The following POU2AF2 variants were observed in gnomAD, a reference collection of about 807,000 sequenced individuals.
The protein encoded by POU2AF2 is POU class 2 homeobox associating factor 2.
the POU2AF2 span, among the ~76,000 whole-genome samples, chr11:111,248,291 G>T: frequency 1.3e-5 from 2 of 152,240 alleles, no homozygotes; most frequent in East Asian, 3.9e-4. Context: ...ACAGGAGTCT[G>T]ATTCTCAGTA....
At chr11:111,272,609 T>A in the POU2AF2 span, among the ~76,000 whole-genome samples, 1 of 152,214 alleles carries the variant, frequency 6.6e-6, no homozygotes, top group South Asian at 2.1e-4. Context: ...AATGCTAGTC[T>A]TCTCAACCAC....
At chr11:111,256,839 C>T in the POU2AF2 span, among the ~76,000 whole-genome samples, 1 of 152,174 alleles carries the variant, frequency 6.6e-6, no homozygotes, top group African/African-American at 2.4e-5. Flanking sequence ...CCTTCATCCA[C>T]GTAATTGTTA....
the POU2AF2 span, among the ~76,000 whole-genome samples, chr11:111,261,593 G>T: frequency 6.6e-6 from 1 of 150,410 alleles, no homozygotes; most frequent in African/African-American, 2.4e-5. Flanking sequence ...AAAACTTGCT[G>T]TGTAGGAAAA....
At chr11:111,264,521 AAAG>A in the POU2AF2 span, among the ~76,000 whole-genome samples, 2 of 67,914 alleles carry the variant, frequency 2.9e-5, no homozygotes, top group African/African-American at 1.2e-4. Context: ...AGAAAGAAAG[AAAG>A]AAAGAAAGAA....
At chr11:111,269,629 C>A in the POU2AF2 span, among the ~76,000 whole-genome samples, 1 of 152,090 alleles carries the variant, frequency 6.6e-6, no homozygotes, top group African/African-American at 2.4e-5. Context: ...GTCCATCTGG[C>A]AGGGATGTAG....
chr11:111,277,991 GA>G, the POU2AF2 span, among the ~76,000 whole-genome samples: 1 of 152,174 alleles, frequency 6.6e-6, no homozygotes, highest in Non-Finnish European at 1.5e-5. Context: ...CCTTCTCATA[GA>G]AATATTAAGG....
At chr11:111,264,860 GAGAC>G in the POU2AF2 span, among the ~76,000 whole-genome samples, 1 of 130,300 alleles carries the variant, frequency 7.7e-6, no homozygotes, top group East Asian at 2.4e-4. Context: ...GAAAAGAAAA[GAGAC>G]AGAAGGAAGG....
the POU2AF2 span, among the ~76,000 whole-genome samples, chr11:111,263,427 CTTTTTTTTTTTTT>C: frequency 1.0e-5 from 1 of 96,146 alleles, no homozygotes; most frequent in Non-Finnish European, 2.0e-5. Context: ...TACTGAAGTT[CTTTTTTTTTTTTT>C]TTTTTTTTTT....
At chr11:111,268,478 TTTTATTTTATTTTATTTTA>T in the POU2AF2 span, among the ~76,000 whole-genome samples, 1 of 21,950 alleles carries the variant, frequency 4.6e-5, no homozygotes, top group East Asian at 2.3e-3. Context: ...ATTTTTCTTT[TTTTATTTTATTTTATTTTA>T]TTTTATTTTA....
At chr11:111,258,647 A>T in the POU2AF2 span, among the ~76,000 whole-genome samples, 2 of 152,180 alleles carry the variant, frequency 1.3e-5, no homozygotes, top group South Asian at 4.1e-4. Context: ...AAATGAGACA[A>T]TGTAGACATA....
At chr11:111,256,222 T>C in the POU2AF2 span, 3 of 396,370 alleles carry the variant, frequency 7.6e-6, no homozygotes, top group African/African-American at 4.1e-5. Flanking sequence ...TGGCACGCAG[T>C]ATAGAATTAT....
chr11:111,260,997 A>G, the POU2AF2 span, among the ~76,000 whole-genome samples: 10 of 152,188 alleles, frequency 6.6e-5, no homozygotes, highest in African/African-American at 1.4e-4. Flanking sequence ...ATACCATGAA[A>G]TGTTTTTCAC....
chr11:111,280,057 A>ATATAT, the POU2AF2 span, among the ~76,000 whole-genome samples: 6 of 76,498 alleles, frequency 7.8e-5, no homozygotes, highest in South Asian at 4.5e-4. Flanking sequence ...AAAAAAAAAA[A>ATATAT]ATATATATAT....
chr11:111,268,240 C>T, the POU2AF2 span, among the ~76,000 whole-genome samples: 3 of 152,088 alleles, frequency 2.0e-5, no homozygotes, highest in African/African-American at 7.2e-5. Flanking sequence ...CGAGGCATCC[C>T]GAGCTCTGCA....
chr11:111,261,582 TA>T, the POU2AF2 span, among the ~76,000 whole-genome samples: 1 of 151,642 alleles, frequency 6.6e-6, no homozygotes, highest in South Asian at 2.1e-4. Context: ...GGGAAAAATG[TA>T]AAACTTGCTG....
the POU2AF2 span, among the ~76,000 whole-genome samples, chr11:111,268,477 T>A: frequency 7.7e-5 from 6 of 77,528 alleles, no homozygotes; most frequent in African/African-American, 2.1e-4. Flanking sequence ...CATTTTTCTT[T>A]TTTTATTTTA....
the POU2AF2 span, among the ~76,000 whole-genome samples, chr11:111,246,296 C>G: frequency 2.0e-5 from 3 of 152,102 alleles, no homozygotes; most frequent in African/African-American, 7.2e-5. Flanking sequence ...ATTCATGCAT[C>G]TTGTTTTAGG....
chr11:111,281,518 G>A, the POU2AF2 span: 14 of 1,495,840 alleles, frequency 9.4e-6, no homozygotes, highest in South Asian at 4.6e-5. Flanking sequence ...CTTTCATAAC[G>A]ACCTTACAAC....
At chr11:111,279,203 A>G in the POU2AF2 span, among the ~76,000 whole-genome samples, 2 of 152,168 alleles carry the variant, frequency 1.3e-5, no homozygotes, top group Non-Finnish European at 2.9e-5. Flanking sequence ...ATCCTGCAAG[A>G]TGTGTCTCCC....
Sources: gnomAD v4.1 joint callset for allele counts (sites outside exome capture counted in the v4.1 genomes callset) on GRCh38, gnomAD v4.1.1 for gene constraint, MANE v1.5 for transcripts, NCBI Gene and HGNC (gene_info 2026-07-23, HGNC 2026-07-21) for gene names.